ME3: variants seen among roughly 807,000 people sequenced by gnomAD.
The protein encoded by ME3 is NADP-dependent malic enzyme, mitochondrial.
A neutral mutation model predicts 68.9 loss-of-function variants in ME3; 48 were observed. The ratio of observed to expected loss-of-function variants is 0.70; its 90% CI spans 0.55 to 0.89. ME3 has a LOEUF of 0.89. Among genes scored for constraint, ME3 ranks in the 40% least tolerant of loss-of-function variants. The pLI is 0.00. For missense variants in ME3, 675 were observed against 797.4 expected, an observed-to-expected ratio of 0.85 and a Z score of 1.85; for synonymous variants, 320 against 318.8, an observed-to-expected ratio of 1.00 and a Z score of -0.04.
intron 4 of ME3, among the ~76,000 whole-genome samples, chr11:86,552,088 G>A (rs1176684054): frequency 6.6e-6 from 1 of 152,212 alleles, no homozygotes; most frequent in Non-Finnish European, 1.5e-5. Flanking sequence ...AACTCCTGGG[G>A]TCCTGGGTCA....
downstream of ME3, among the ~76,000 whole-genome samples, chr11:86,440,645 G>A (rs1231364724): frequency 2.0e-5 from 3 of 152,126 alleles, no homozygotes; most frequent in Non-Finnish European, 2.9e-5. Context: ...AATAGTTAGC[G>A]AGCTGCCGTT....
At chr11:86,521,699 C>T (rs1280198481) in intron 4 of ME3, among the ~76,000 whole-genome samples, 3 of 152,128 alleles carry the variant, frequency 2.0e-5, no homozygotes, top group African/African-American at 7.2e-5. Context: ...ATTATTAACA[C>T]AATTATTTAT....
chr11:86,526,525 T>C (rs1481226096), intron 4 of ME3, among the ~76,000 whole-genome samples: 1 of 152,096 alleles, frequency 6.6e-6, no homozygotes, highest in Non-Finnish European at 1.5e-5. Context: ...TAGTAGTGGT[T>C]CTCCCAGCAC....
chr11:86,450,485 G>T, intron 8 of ME3, 87 bp from the exon 9 acceptor site: 1 of 1,097,732 alleles, frequency 9.1e-7, no homozygotes, highest in Non-Finnish European at 1.4e-6. Flanking sequence ...CCACATCTGG[G>T]ACTGTGGAGG....
At chr11:86,463,350 G>A (rs1426746245) in intron 8 of ME3, among the ~76,000 whole-genome samples, 1 of 152,204 alleles carries the variant, frequency 6.6e-6, no homozygotes, top group Admixed American at 6.5e-5. Context: ...TCATGCTGGG[G>A]AGCCGGTCAG....
chr11:86,528,828 G>A (rs1489590209), intron 4 of ME3, among the ~76,000 whole-genome samples: 7 of 151,966 alleles, frequency 4.6e-5, no homozygotes, highest in Non-Finnish European at 7.4e-5. Flanking sequence ...GACACAACAT[G>A]CCAGAATCTC....
chr11:86,669,408 T>C (rs907451952), intron 2 of ME3, among the ~76,000 whole-genome samples: 1 of 152,174 alleles, frequency 6.6e-6, no homozygotes, highest in African/African-American at 2.4e-5. Context: ...GACTGGGTAA[T>C]TGATAAGGAA....
chr11:86,472,142 A>G (rs188870689), intron 7 of ME3, among the ~76,000 whole-genome samples: 1 of 152,262 alleles, frequency 6.6e-6, no homozygotes, highest in African/African-American at 2.4e-5. Flanking sequence ...AGGGAACAGC[A>G]TATGCATGAG....
At chr11:86,555,878 T>C (rs1204134785) in intron 4 of ME3, among the ~76,000 whole-genome samples, 1 of 152,224 alleles carries the variant, frequency 6.6e-6, no homozygotes, top group African/African-American at 2.4e-5. Flanking sequence ...TTCCATTACA[T>C]ATACCAGGTA....
intron 2 of ME3, among the ~76,000 whole-genome samples, chr11:86,578,828 T>A (rs917028999): frequency 6.6e-6 from 1 of 152,118 alleles, no homozygotes; most frequent in Non-Finnish European, 1.5e-5. Context: ...ACAAAGCAGT[T>A]TTATTTGCTA....
At chr11:86,463,547 T>C (rs907601884) in intron 8 of ME3, among the ~76,000 whole-genome samples, 2 of 152,162 alleles carry the variant, frequency 1.3e-5, no homozygotes, top group Non-Finnish European at 2.9e-5. Flanking sequence ...TGCAACAGGG[T>C]AAGGGGGAGA....
At chr11:86,663,317 A>G (rs1946397474) in intron 2 of ME3, among the ~76,000 whole-genome samples, 1 of 152,176 alleles carries the variant, frequency 6.6e-6, no homozygotes, top group Non-Finnish European at 1.5e-5. Context: ...CTCAAATGAC[A>G]GGTGCATTTT....
intron 8 of ME3, among the ~76,000 whole-genome samples, chr11:86,463,220 C>T (rs530727829): frequency 1.7e-4 from 26 of 152,282 alleles, no homozygotes; most frequent in African/African-American, 5.3e-4. Context: ...GTCTGTACAG[C>T]TGGAGGCTGT....
chr11:86,550,471 A>G (rs1956609759), intron 4 of ME3, among the ~76,000 whole-genome samples: 1 of 152,196 alleles, frequency 6.6e-6, no homozygotes, highest in Admixed American at 6.5e-5. Context: ...ACAGCCAAGG[A>G]CAAGGGACTA....
intron 4 of ME3, among the ~76,000 whole-genome samples, chr11:86,520,386 A>C (rs1025972404): frequency 6.6e-5 from 10 of 152,248 alleles, no homozygotes; most frequent in African/African-American, 2.2e-4. Context: ...ATGGAAAACA[A>C]GTGTGAGCAA....
At chr11:86,588,986 A>T (rs933101476) in intron 2 of ME3, among the ~76,000 whole-genome samples, 3 of 152,132 alleles carry the variant, frequency 2.0e-5, no homozygotes, top group African/African-American at 7.2e-5. Context: ...GGCCTGCTCC[A>T]TGCACTCTGC....
chr11:86,612,312 T>C (rs891455544), intron 2 of ME3, among the ~76,000 whole-genome samples: 2 of 152,250 alleles, frequency 1.3e-5, no homozygotes, highest in Non-Finnish European at 1.5e-5. Context: ...CAGTCTATCA[T>C]TGATGACCAT....
intron 4 of ME3, among the ~76,000 whole-genome samples, chr11:86,539,997 T>G (rs1425224411): frequency 6.6e-6 from 1 of 152,234 alleles, no homozygotes; most frequent in Non-Finnish European, 1.5e-5. Context: ...GGTAAACGTA[T>G]CTGATAGCAA....
chr11:86,570,225 A>G (rs1957710584), intron 2 of ME3, among the ~76,000 whole-genome samples: 1 of 152,230 alleles, frequency 6.6e-6, no homozygotes, highest in South Asian at 2.1e-4. Context: ...TGCTTATGCT[A>G]TAACCGGCTT....
Sources: gnomAD v4.1 joint callset for allele counts (sites outside exome capture counted in the v4.1 genomes callset) on GRCh38, gnomAD v4.1.1 for gene constraint, MANE v1.5 for transcripts, NCBI Gene and HGNC (gene_info 2026-07-23, HGNC 2026-07-21) for gene names.